The following TENM2 variants were observed in gnomAD, a reference collection of about 807,000 sequenced individuals.
TENM2 encodes the protein teneurin transmembrane protein 2.
A neutral mutation model predicts 245.2 loss-of-function variants in TENM2; 52 were observed. That is an observed-to-expected ratio of 0.21 (90% confidence interval 0.17 to 0.27). TENM2 has a LOEUF of 0.27. Ranked by LOEUF, TENM2 falls within the 10% of genes least tolerant of loss-of-function variation. The pLI, the probability that TENM2 is intolerant of heterozygous loss-of-function variation, is 1.00. For missense variants in TENM2, 3,046 were observed against 3,666.8 expected, an observed-to-expected ratio of 0.83 and a Z score of 4.37; for synonymous variants, 1,363 against 1,438.9, an observed-to-expected ratio of 0.95 and a Z score of 1.19.
intron 2 of TENM2, among the ~76,000 whole-genome samples, chr5:167,664,465 G>T (rs1755443045): frequency 6.6e-6 from 1 of 152,124 alleles, no homozygotes; most frequent in Non-Finnish European, 1.5e-5. Context: ...CTTGCTGGGA[G>T]TCACACTCAG....
the TENM2 span, among the ~76,000 whole-genome samples, chr5:167,049,358 C>G: frequency 6.6e-6 from 1 of 152,080 alleles, no homozygotes; most frequent in Admixed American, 6.5e-5. Context: ...TTCATGACTG[C>G]CTTTCGTCCT....
At chr5:167,671,393 G>A (rs903990759) in intron 2 of TENM2, among the ~76,000 whole-genome samples, 15 of 152,062 alleles carry the variant, frequency 9.9e-5, no homozygotes, top group Admixed American at 2.0e-4. Flanking sequence ...ATAACCTGAT[G>A]TTTTAACATT....
intron 7 of TENM2, among the ~76,000 whole-genome samples, chr5:168,082,855 C>G (rs1366853225): frequency 6.6e-6 from 1 of 152,166 alleles, no homozygotes; most frequent in Non-Finnish European, 1.5e-5. Context: ...AGGTGTCAGT[C>G]GGCCCCTACT....
chr5:167,305,786 A>T (rs567490626), intron 1 of TENM2, among the ~76,000 whole-genome samples: 5 of 152,334 alleles, frequency 3.3e-5, no homozygotes, highest in African/African-American at 9.6e-5. Context: ...TAATGATAAC[A>T]ATAATGCCCT....
chr5:167,267,119 A>G, the TENM2 span, among the ~76,000 whole-genome samples: 1 of 152,124 alleles, frequency 6.6e-6, no homozygotes, highest in Non-Finnish European at 1.5e-5. Flanking sequence ...TGGTGAACCT[A>G]GGAAGGCATT....
chr5:167,280,462 T>C (rs1261917887), upstream of TENM2, among the ~76,000 whole-genome samples: 8 of 152,154 alleles, frequency 5.3e-5, no homozygotes, highest in Admixed American at 5.2e-4. Context: ...GTCCTGGCTC[T>C]CCTGTACTGT....
intron 3 of TENM2, among the ~76,000 whole-genome samples, chr5:167,932,851 C>T (rs540998130): frequency 3.3e-4 from 50 of 152,244 alleles, no homozygotes; most frequent in African/African-American, 1.2e-3. Flanking sequence ...TGCCCGTTTG[C>T]CAACCCCAAA....
chr5:167,072,142 A>G, the TENM2 span, among the ~76,000 whole-genome samples: 1 of 152,142 alleles, frequency 6.6e-6, no homozygotes, highest in Admixed American at 6.6e-5. Flanking sequence ...AATCCTACAC[A>G]CTGCCTTGGA....
the TENM2 span, among the ~76,000 whole-genome samples, chr5:167,179,914 G>A: frequency 1.3e-5 from 2 of 152,066 alleles, no homozygotes; most frequent in Non-Finnish European, 2.9e-5. Context: ...CTAGTTGGGA[G>A]AATAGGAGAG....
intron 2 of TENM2, among the ~76,000 whole-genome samples, chr5:167,532,173 A>T (rs1771546890): frequency 6.6e-6 from 1 of 152,124 alleles, no homozygotes; most frequent in Non-Finnish European, 1.5e-5. Context: ...ACGTCTTAGG[A>T]TCATGAAAGT....
chr5:167,494,639 A>C (rs1768678000), intron 2 of TENM2, among the ~76,000 whole-genome samples: 1 of 152,158 alleles, frequency 6.6e-6, no homozygotes, highest in South Asian at 2.1e-4. Flanking sequence ...ACATGTTTGA[A>C]GCCACCACAT....
chr5:167,877,110 G>A (rs1216247590), intron 3 of TENM2, among the ~76,000 whole-genome samples: 3 of 152,122 alleles, frequency 2.0e-5, no homozygotes, highest in Non-Finnish European at 4.4e-5. Context: ...CTAAAGGCTT[G>A]GGAGTTATCT....
chr5:167,138,101 G>T, the TENM2 span, among the ~76,000 whole-genome samples: 10 of 152,194 alleles, frequency 6.6e-5, no homozygotes, highest in Non-Finnish European at 1.5e-4. Context: ...GGAAGCAGCC[G>T]CTGAGGCTGT....
the TENM2 span, among the ~76,000 whole-genome samples, chr5:167,134,872 A>C: frequency 6.6e-6 from 1 of 152,196 alleles, no homozygotes; most frequent in Non-Finnish European, 1.5e-5. Flanking sequence ...CACCCACACA[A>C]AAAATTACCT....
chr5:167,442,687 A>T (rs1047974704), intron 2 of TENM2, among the ~76,000 whole-genome samples: 21 of 152,186 alleles, frequency 1.4e-4, no homozygotes, highest in African/African-American at 4.8e-4. Context: ...AATTGATTTT[A>T]AAAAGAGCTT....
At chr5:167,245,230 T>C in the TENM2 span, among the ~76,000 whole-genome samples, 3 of 152,190 alleles carry the variant, frequency 2.0e-5, no homozygotes, top group Non-Finnish European at 2.9e-5. Context: ...TAAGGAAATA[T>C]GGCATTTCAC....
At chr5:167,315,878 A>C (rs1459218315) in intron 1 of TENM2, among the ~76,000 whole-genome samples, 1 of 152,144 alleles carries the variant, frequency 6.6e-6, no homozygotes, top group Admixed American at 6.6e-5. Flanking sequence ...GAAAATTAGG[A>C]ACAATTATAG....
chr5:167,263,643 G>A, the TENM2 span, among the ~76,000 whole-genome samples: 2 of 151,776 alleles, frequency 1.3e-5, no homozygotes, highest in Non-Finnish European at 2.9e-5. Context: ...TTATGTGCCA[G>A]TCTTCACCAT....
chr5:168,019,212 T>C (rs1446641737), intron 5 of TENM2, among the ~76,000 whole-genome samples: 1 of 152,076 alleles, frequency 6.6e-6, no homozygotes, highest in Non-Finnish European at 1.5e-5. Context: ...GGAAAAGGTA[T>C]TGGGGAGAAG....
Sources: allele counts gnomAD v4.1 joint callset (sites outside exome capture counted in the v4.1 genomes callset), GRCh38; gene constraint gnomAD v4.1.1; transcripts MANE v1.5; gene names NCBI Gene and HGNC (gene_info 2026-07-23, HGNC 2026-07-21).